SLC4A10: variants seen among roughly 807,000 people sequenced by gnomAD.
SLC4A10 encodes sodium-driven chloride bicarbonate exchanger.
In SLC4A10, 42 loss-of-function variants were observed where a neutral mutation model predicts 137.7. That is an observed-to-expected ratio of 0.30 (90% CI 0.24 to 0.39). SLC4A10 has a LOEUF of 0.39. Among genes scored for constraint, SLC4A10 ranks in the 10% least tolerant of loss-of-function variants. The pLI, the probability that SLC4A10 is intolerant of heterozygous loss-of-function variation, is 1.00. For missense variants in SLC4A10, 925 were observed against 1,355.0 expected (o/e 0.68, Z 4.98); for synonymous variants, 474 against 464.1 (o/e 1.02, Z -0.27).
At chr2:161,760,931 A>G (rs2050191809) in intron 1 of SLC4A10, among the ~76,000 whole-genome samples, 1 of 151,974 alleles carries the variant, frequency 6.6e-6, no homozygotes. Context: ...CACCCCACAC[A>G]CACACCACAT....
chr2:161,643,962 C>G (rs1181594632), intron 1 of SLC4A10, among the ~76,000 whole-genome samples: 1 of 151,906 alleles, frequency 6.6e-6, no homozygotes, highest in African/African-American at 2.4e-5. Context: ...TGGTATAATT[C>G]ATGATTATGA....
chr2:161,815,125 T>C (rs974708445), intron 3 of SLC4A10, among the ~76,000 whole-genome samples: 4 of 152,086 alleles, frequency 2.6e-5, no homozygotes, highest in African/African-American at 9.7e-5. Flanking sequence ...CATCCAGACC[T>C]CTTGAGTCAG....
At chr2:161,923,562 A>C (rs1340511927) in intron 15 of SLC4A10, among the ~76,000 whole-genome samples, 1 of 152,156 alleles carries the variant, frequency 6.6e-6, no homozygotes, top group African/African-American at 2.4e-5. Flanking sequence ...TTCTCAGCAA[A>C]CTATCGCGAG....
intron 4 of SLC4A10, among the ~76,000 whole-genome samples, chr2:161,844,261 GT>G (rs1484927520): frequency 2.0e-5 from 3 of 152,130 alleles, no homozygotes; most frequent in Non-Finnish European, 1.5e-5. Context: ...TATTGATGCT[GT>G]GAAGGCATTT....
At chr2:161,817,249 C>T (rs983213057) in intron 3 of SLC4A10, among the ~76,000 whole-genome samples, 1 of 152,192 alleles carries the variant, frequency 6.6e-6, no homozygotes, top group Non-Finnish European at 1.5e-5. Context: ...AGCATTTTTT[C>T]ATGTGCCTGT....
chr2:161,734,280 G>T lies in SLC4A10; in HGVS notation c.49-36693G>T, dbSNP rs2047102650. ...TACTCCCATAATTCCTATGTGTTGT[G>T]GGAGGGACCCTGTGGGAGATCATTT... is the stretch of plus-strand genomic sequence containing the variant. On this transcript the variant is annotated intron_variant, in intron 1 of 26. Transcript: ENST00000446997. Among the ~76,000 whole-genome samples, 2 of 152,104 alleles carry T rather than the reference G, an allele frequency of 1.3e-5. 1 individual carries two copies. Among genetic ancestry groups the T allele is most frequent in the South Asian group, 4.1e-4 (2 of 4,820 alleles).
chr2:161,961,547 CTT>C (rs34418446), intron 21 of SLC4A10, among the ~76,000 whole-genome samples: 424 of 137,418 alleles, frequency 3.1e-3, no homozygotes, highest in African/African-American at 7.0e-3. Context: ...TTCTTTTTCC[CTT>C]TTTTTTTTTT....
intron 11 of SLC4A10, among the ~76,000 whole-genome samples, chr2:161,897,346 T>C (rs1393067933): frequency 6.6e-6 from 1 of 152,086 alleles, no homozygotes; most frequent in Non-Finnish European, 1.5e-5. Flanking sequence ...CAAATTGTTG[T>C]GTACTTAGTC....
intron 1 of SLC4A10, among the ~76,000 whole-genome samples, chr2:161,640,644 C>CCTTT (rs2035172677): frequency 2.9e-5 from 4 of 139,882 alleles, no homozygotes; most frequent in East Asian, 2.1e-4. Flanking sequence ...TTCCTTCCTT[C>CCTTT]CTTCCTTCCT....
At chr2:161,667,739 T>C (rs946734696) in intron 1 of SLC4A10, among the ~76,000 whole-genome samples, 2 of 151,742 alleles carry the variant, frequency 1.3e-5, no homozygotes, top group South Asian at 2.1e-4. Flanking sequence ...TCATTCAAAC[T>C]ACTTTTGCTC....
At chr2:161,830,139 A>G (rs1575167266) in intron 3 of SLC4A10, among the ~76,000 whole-genome samples, 1 of 150,702 alleles carries the variant, frequency 6.6e-6, no homozygotes, top group East Asian at 2.0e-4. Context: ...CTCCCAAGGA[A>G]TGCATATTGT....
At chr2:161,624,668 G>C in intron 1 of SLC4A10, 102 bp downstream of exon 1, 1 of 1,485,748 alleles carries the variant, frequency 6.7e-7, no homozygotes, top group Non-Finnish European at 9.2e-7. Context: ...TTTTGGGGTG[G>C]TGGATAGCTC....
intron 15 of SLC4A10, among the ~76,000 whole-genome samples, chr2:161,936,097 G>A (rs186404472): frequency 7.0e-4 from 106 of 152,202 alleles, no homozygotes; most frequent in African/African-American, 2.5e-3. Flanking sequence ...TTATAGATTC[G>A]TAAATGTTGA....
chr2:161,856,358 A>AACACAC (rs55983659), intron 5 of SLC4A10, among the ~76,000 whole-genome samples: 14,468 of 141,738 alleles, frequency 0.1, 813 homozygotes, highest in East Asian at 0.25. Flanking sequence ...AAAATACTAA[A>AACACAC]ACACACACAC....
chr2:161,668,123 C>A (rs987852340), intron 1 of SLC4A10, among the ~76,000 whole-genome samples: 1 of 151,684 alleles, frequency 6.6e-6, no homozygotes. Flanking sequence ...ACTCTGGCAA[C>A]GAAACTTTGA....
At chr2:161,745,148 T>C (rs1436102692) in intron 1 of SLC4A10, among the ~76,000 whole-genome samples, 3 of 152,214 alleles carry the variant, frequency 2.0e-5, no homozygotes, top group African/African-American at 7.2e-5. Context: ...ACACTTTCTA[T>C]GCCAATCTCT....
At chr2:161,742,977 T>TA (rs1447442570) in intron 1 of SLC4A10, among the ~76,000 whole-genome samples, 2 of 152,232 alleles carry the variant, frequency 1.3e-5, no homozygotes, top group Non-Finnish European at 2.9e-5. Flanking sequence ...AGATTTTTTT[T>TA]ATTGAGTTGT....
At chr2:161,975,386 T>C (rs144421975) in intron 24 of SLC4A10, among the ~76,000 whole-genome samples, 147 of 152,298 alleles carry the variant, frequency 9.7e-4, no homozygotes, top group South Asian at 2.7e-3. Context: ...TCACAATGCA[T>C]ATTAGCAAAT....
At chr2:161,855,237 T>C in intron 5 of SLC4A10, 107 bp downstream of exon 5, 1 of 1,056,838 alleles carries the variant, frequency 9.5e-7, no homozygotes, top group Non-Finnish European at 1.3e-6. Context: ...CTAATTCTCA[T>C]AATCACTGCA....
Sources: allele counts gnomAD v4.1 joint callset (sites outside exome capture counted in the v4.1 genomes callset), GRCh38; gene constraint gnomAD v4.1.1; transcripts MANE v1.5; gene names NCBI Gene and HGNC (gene_info 2026-07-23, HGNC 2026-07-21).